Variants in NCLN observed in about 807,000 individuals in gnomAD.
NCLN encodes the protein nicalin, also known as BOS complex subunit NCLN.
Under a neutral mutation model 69.5 loss-of-function variants are expected in NCLN, and 34 were observed. That is an observed-to-expected ratio of 0.49 (90% CI 0.37 to 0.65). NCLN has a LOEUF of 0.65. Ranked by LOEUF, NCLN falls within the 30% of genes least tolerant of loss-of-function variation. The pLI is 0.00. For missense variants in NCLN, 710 were observed against 804.8 expected, an observed-to-expected ratio of 0.88 and a Z score of 1.42; for synonymous variants, 393 against 358.3, an observed-to-expected ratio of 1.10 and a Z score of -1.09.
chr19:3,192,353 C>T (rs1963327230), intron 1 of NCLN, 117 bp from the exon 2 acceptor site: 1 of 834,380 alleles, frequency 1.2e-6, no homozygotes, highest in Non-Finnish European at 1.7e-6. Flanking sequence ...GGTGGTCTTC[C>T]AGGTTGTGGG....
At position 3,192,585 on chromosome 19, in the gene NCLN, C is replaced by T. The variant is rs1227324205; in HGVS notation, c.300C>T (p.Ala100=). The change falls in exon 2 of 15, where the codon GCC becomes GCT. Residue 100 remains alanine (A), a synonymous_variant. Coordinates refer to ENST00000246117, the MANE Select transcript of NCLN (RefSeq NM_020170.4). ...TCTCCTACGAGCAGTACCAGAAGGC[C>T]CTGCGGCAGTCGGCGGGCGCCGTGG... ...LDFSYEQYQK[A]LRQSAGAVVI... 6 of 1,606,464 alleles carry T rather than the reference C, an allele frequency of 3.7e-6. No homozygotes were observed. Among genetic ancestry groups the T allele is most frequent in the Non-Finnish European group, 4.3e-6 (5 of 1,176,162 alleles).
rs773420068 is a variant in NCLN, at chr19:3,186,257, G to A, written c.184+43G>A. Reference sequence around the variant, plus strand: ...ACCCTCGGGGCTCCCCGGGCTCCCCGGCCACGCCACTCCGGCCCGGCGATC... The same window carrying A: ...ACCCTCGGGGCTCCCCGGGCTCCCCAGCCACGCCACTCCGGCCCGGCGATC... On this transcript the variant is annotated intron_variant, in intron 1 of 14. Coordinates refer to ENST00000246117, the MANE Select transcript of NCLN (RefSeq NM_020170.4). 5 of 1,419,198 alleles carry A rather than the reference G, an allele frequency of 3.5e-6. No individual in the cohort carries two copies. In the Admixed American group the frequency reaches 1.1e-4, roughly 33 times the overall value. 87.9% of individuals were successfully genotyped at this position (1,419,198 alleles called of 1,614,324 possible).
chr19:3,196,163 C>T lies in NCLN; in HGVS notation c.521-20C>T, dbSNP rs931846892. ...GGCCCTGGCTGGGCCAAGGCTGATG[C>T]GCCCTCTCCCTCTCCCTAGTACTGC... is the stretch of plus-strand genomic sequence containing the variant. On this transcript the variant is annotated intron_variant, in intron 3 of 14. Coordinates refer to ENST00000246117, the MANE Select transcript of NCLN (RefSeq NM_020170.4). 9.9e-6 allele frequency: 15 copies of T among 1,518,786 alleles called. No homozygotes were observed. Among genetic ancestry groups the T allele is most frequent in the African/African-American group, 4.2e-5 (3 of 71,608 alleles). The allele number at this position is 1,518,786 out of a possible 1,614,324, so 94.1% of individuals were successfully genotyped here.
chr19:3,191,502 C>T (rs536782158), intron 1 of NCLN, among the ~76,000 whole-genome samples: 41 of 152,282 alleles, frequency 2.7e-4, no homozygotes, highest in African/African-American at 9.4e-4. Flanking sequence ...GTGTCCAAGG[C>T]GCAGTAGGGT....
intron 14 of NCLN, 78 bp from the exon 15 acceptor site, chr19:3,207,551 C>G: frequency 6.2e-7 from 1 of 1,607,156 alleles, no homozygotes; most frequent in Non-Finnish European, 8.5e-7. Flanking sequence ...GCATCCTGGC[C>G]CCTGGCTCAG....
chr19:3,200,695 G>A (rs1381581799), intron 5 of NCLN, among the ~76,000 whole-genome samples: 1 of 151,920 alleles, frequency 6.6e-6, no homozygotes, highest in Non-Finnish European at 1.5e-5. Flanking sequence ...AAAGTTGTAC[G>A]GTCTCCACCT....
chr19:3,186,207 G>T lies in NCLN; in HGVS notation c.177G>T (p.Gln59His). The change falls in exon 1 of 15, where the codon CAG becomes CAT. Residue 59 changes from glutamine (Q) to histidine (H), a missense_variant. By Grantham distance (24) the Gln-to-His change is conservative. Transcript: ENST00000246117. ...YRMQQYDLQG[Q>H]PYGTRNAVLN... Reference sequence around the variant, plus strand: ...TGCAGCAGTACGACCTGCAGGGCCAGCCCTACGGTGCGTGTCCCCGGCCCA... The same window carrying T: ...TGCAGCAGTACGACCTGCAGGGCCATCCCTACGGTGCGTGTCCCCGGCCCA... 1 of 1,537,904 alleles carries T rather than the reference G, an allele frequency of 6.5e-7. No individual in the cohort carries two copies. Among genetic ancestry groups the T allele is most frequent in the Non-Finnish European group, 8.7e-7 (1 of 1,144,982 alleles).
intron 12 of NCLN, among the ~76,000 whole-genome samples, 160 bp from the exon 13 acceptor site, chr19:3,207,038 G>T (rs1398255423): frequency 6.6e-6 from 1 of 152,000 alleles, no homozygotes; most frequent in African/African-American, 2.4e-5. Context: ...TGGCCAGGTT[G>T]GTCTTGAACT....
intron 10 of NCLN, 35 bp downstream of exon 10, chr19:3,206,061 C>T: frequency 6.2e-7 from 1 of 1,609,254 alleles, no homozygotes. Context: ...CCAGACCCAG[C>T]CCCAGCCCTG....
chr19:3,207,557 C>T, intron 14 of NCLN, 72 bp from the exon 15 acceptor site: 2 of 1,607,512 alleles, frequency 1.2e-6, no homozygotes, highest in African/African-American at 1.3e-5. Context: ...TGGCCCCTGG[C>T]TCAGCCTAGA....
rs199629540 is a variant in NCLN, at chr19:3,204,157, T to C, written c.1029+13T>C. ...GGAGCTGGAGACGGTGGGTGCCCCT[T>C]TCATGGATGGGTCCGGAGCTCTGCG... On this transcript the variant is annotated intron_variant, in intron 8 of 14. Transcript: ENST00000246117. 6,151 of 1,504,974 alleles carry C rather than the reference T, an allele frequency of 4.1e-3. 25 individuals carry two copies. Among genetic ancestry groups the C allele is most frequent in the Non-Finnish European group, 4.1e-3 (4,663 of 1,130,674 alleles). 93.2% of individuals were successfully genotyped at this position (1,504,974 alleles called of 1,614,324 possible).
At chr19:3,187,604 G>T (rs1055131090) in intron 1 of NCLN, among the ~76,000 whole-genome samples, 2 of 152,180 alleles carry the variant, frequency 1.3e-5, no homozygotes, top group African/African-American at 2.4e-5. Context: ...CCGAGGGGAC[G>T]CTGGGTGATG....
intron 1 of NCLN, among the ~76,000 whole-genome samples, chr19:3,191,543 T>C (rs866363491): frequency 3.3e-5 from 5 of 152,200 alleles, no homozygotes; most frequent in African/African-American, 1.2e-4. Flanking sequence ...CGAGGGGCGC[T>C]CCATGCTGGT....
At chr19:3,197,337 T>C (rs1325940991) in intron 4 of NCLN, among the ~76,000 whole-genome samples, 1 of 152,174 alleles carries the variant, frequency 6.6e-6, no homozygotes, top group Non-Finnish European at 1.5e-5. Flanking sequence ...GATCTCCAAG[T>C]GGAAAAGCAT....
Position 3,205,904 on chromosome 19 carries a change from T to G in NCLN, c.1209-35T>G. On this transcript the variant is annotated intron_variant, in intron 9 of 14. Transcript: ENST00000246117. This position sits in a 1 kb window ranked among gnomAD's most constrained non-coding sequence, Gnocchi z 4.6. ...GAGAGCTACCTTGCCTGGCCCAAAG[T>G]CCACATTTTAAAACATTGTTTTTGA... is the stretch of plus-strand genomic sequence containing the variant. 2 of 1,607,374 alleles carry G rather than the reference T, an allele frequency of 1.2e-6. No individual in the cohort carries two copies. Among genetic ancestry groups the G allele is most frequent in the Non-Finnish European group, 1.7e-6 (2 of 1,174,784 alleles).
chr19:3,207,084 A>G (rs1021277175), intron 12 of NCLN, 114 bp from the exon 13 acceptor site: 25 of 1,232,076 alleles, frequency 2.0e-5, no homozygotes, highest in African/African-American at 3.0e-5. Flanking sequence ...TCAACCTCCC[A>G]AAGTGCTGGG....
In NCLN at chr19:3,203,812, A is replaced by G. The variant is rs1320558146; in HGVS notation, c.857A>G (p.Lys286Arg). 29 of 1,613,178 alleles carry G rather than the reference A, an allele frequency of 1.8e-5. No homozygotes were observed. The highest frequency in any genetic ancestry group is 3.3e-5 in the Admixed American group (2 of 59,964). Residue 286 changes from lysine (K) to arginine (R), a missense_variant, in exon 7 of 15, where the codon AAG becomes AGG. Coordinates refer to ENST00000246117, the MANE Select transcript of NCLN (RefSeq NM_020170.4). ...GGCAAGTTTAACTACCAGGGAACCA[A>G]GCGCTGGCTGGAAGACAACCTGGAC... ...GGGKFNYQGT[K>R]RWLEDNLDHT...
intron 3 of NCLN, 50 bp downstream of exon 3, chr19:3,193,478 G>A (rs765777755): frequency 1.3e-6 from 2 of 1,534,920 alleles, no homozygotes; most frequent in Non-Finnish European, 1.7e-6. Flanking sequence ...GTGTGGGGAG[G>A]CGTCCCCATC....
intron 1 of NCLN, among the ~76,000 whole-genome samples, chr19:3,190,170 GC>G (rs1359979099): frequency 6.6e-6 from 1 of 152,178 alleles, no homozygotes; most frequent in Non-Finnish European, 1.5e-5. Flanking sequence ...CACTGCAGGA[GC>G]CCCAAGGACT....
Sources: gnomAD v4.1 joint callset for allele counts (sites outside exome capture counted in the v4.1 genomes callset) on GRCh38, gnomAD v4.1.1 for gene constraint, Gnocchi (gnomAD v3.1) non-coding constraint, MANE v1.5 for transcripts, NCBI Gene and HGNC (gene_info 2026-07-23, HGNC 2026-07-21) for gene names.